The following PRKCB variants were observed in gnomAD, a reference collection of about 807,000 sequenced individuals.
PRKCB encodes the protein protein kinase C beta, also known as protein kinase C beta type.
Under a neutral mutation model 81.5 loss-of-function variants are expected in PRKCB, and 13 were observed. That is an observed-to-expected ratio of 0.16 (90% CI 0.10 to 0.25). The LOEUF is 0.25. Ranked by LOEUF, PRKCB falls within the 10% of genes least tolerant of loss-of-function variation. The probability of loss-of-function intolerance (pLI) is 1.00; values close to 1 mark genes in which losing one functional copy is unlikely to be tolerated. For synonymous variants in PRKCB, 335 were observed against 321.4 expected (o/e 1.04, Z -0.45); for missense variants, 509 against 875.7 (o/e 0.58, Z 5.29).
At chr16:23,890,940 C>A (rs1009815307) in intron 2 of PRKCB, among the ~76,000 whole-genome samples, 13 of 151,610 alleles carry the variant, frequency 8.6e-5, no homozygotes, top group African/African-American at 3.2e-4. Context: ...GGACATTTAT[C>A]TTTATATATG....
chr16:24,011,594 G>A (rs984241014), intron 3 of PRKCB, among the ~76,000 whole-genome samples: 5 of 152,124 alleles, frequency 3.3e-5, no homozygotes, highest in African/African-American at 1.2e-4. Context: ...ATAGCTCACT[G>A]CAGCCTCCAA....
chr16:24,215,332 A>AT lies in PRKCB; in HGVS notation c.*521dup. The AT allele has an allele frequency of 1.0e-6, 1 of 986,230 alleles. No individual in the cohort carries two copies. Among genetic ancestry groups the AT allele is most frequent in the Non-Finnish European group, 1.2e-6 (1 of 830,194 alleles). The allele number at this position is 986,230 out of a possible 1,614,324, so 61.1% of individuals were successfully genotyped here. ...TGCTCAAAATAAAATGTTATCTGTT[A>AT]TTTTTGTAAACTCAAAGTTAAGATG... On this transcript the variant is annotated 3_prime_UTR_variant, in exon 17 of 17. Coordinates refer to ENST00000643927, the MANE Select transcript of PRKCB (RefSeq NM_002738.7).
chr16:24,208,516 G>A (rs1339979821), intron 16 of PRKCB: 1 of 152,234 alleles, frequency 6.6e-6, no homozygotes, highest in Non-Finnish European at 1.5e-5. Flanking sequence ...TCCTGAAAGA[G>A]GTGCTTGTGG....
chr16:23,837,710 G>A (rs1962190367), intron 2 of PRKCB, among the ~76,000 whole-genome samples: 1 of 152,112 alleles, frequency 6.6e-6, no homozygotes, highest in Admixed American at 6.5e-5. Context: ...GGGGGAGAAA[G>A]TGTTTTCCCG....
intron 12 of PRKCB, among the ~76,000 whole-genome samples, chr16:24,179,781 A>G (rs1967590383): frequency 1.3e-5 from 2 of 152,196 alleles, no homozygotes; most frequent in South Asian, 4.1e-4. Context: ...CTTTATTTTC[A>G]TCATACCACT....
At chr16:24,132,657 A>G (rs1161205999) in intron 9 of PRKCB, among the ~76,000 whole-genome samples, 1 of 152,010 alleles carries the variant, frequency 6.6e-6, no homozygotes, top group Non-Finnish European at 1.5e-5. Context: ...TGTTGTCCCC[A>G]TTTTACAGAT....
intron 16 of PRKCB, among the ~76,000 whole-genome samples, chr16:24,213,785 A>G (rs1178075921): frequency 6.6e-6 from 1 of 152,232 alleles, no homozygotes; most frequent in Admixed American, 6.5e-5. Context: ...GTGAGCACCC[A>G]TGCATGCATG....
chr16:24,127,393 C>G (rs1966846364), intron 9 of PRKCB, among the ~76,000 whole-genome samples: 1 of 152,202 alleles, frequency 6.6e-6, no homozygotes, highest in Non-Finnish European at 1.5e-5. Flanking sequence ...TGCTCCTACC[C>G]AAGTTCACGT....
At chr16:23,858,123 C>T (rs1250070760) in intron 2 of PRKCB, among the ~76,000 whole-genome samples, 1 of 152,142 alleles carries the variant, frequency 6.6e-6, no homozygotes, top group Non-Finnish European at 1.5e-5. Flanking sequence ...ATGAAGGCAG[C>T]TAATATTTCA....
intron 5 of PRKCB, among the ~76,000 whole-genome samples, chr16:24,048,274 T>G (rs1965792719): frequency 6.6e-6 from 1 of 152,082 alleles, no homozygotes; most frequent in African/African-American, 2.4e-5. Flanking sequence ...GCATCTCCAT[T>G]TTACAGATGG....
intron 3 of PRKCB, 137 bp from the exon 4 acceptor site, chr16:24,031,999 G>A (rs1018126643): frequency 3.4e-6 from 2 of 586,014 alleles, no homozygotes; most frequent in Non-Finnish European, 3.0e-6. Context: ...GGGCTCCAGC[G>A]ATGGTCCCAA....
intron 5 of PRKCB, among the ~76,000 whole-genome samples, chr16:24,081,642 G>T (rs1419294545): frequency 6.6e-6 from 1 of 152,176 alleles, no homozygotes; most frequent in Non-Finnish European, 1.5e-5. Flanking sequence ...GGAGCCTGAG[G>T]TGGGTGGATC....
intron 12 of PRKCB, among the ~76,000 whole-genome samples, chr16:24,178,326 C>T (rs765612251): frequency 2.8e-4 from 43 of 152,246 alleles, no homozygotes; most frequent in African/African-American, 5.8e-4. Flanking sequence ...AGCAGAAATG[C>T]GGATTTATTA....
intron 2 of PRKCB, among the ~76,000 whole-genome samples, chr16:23,928,266 T>A (rs1454691058): frequency 6.6e-6 from 1 of 151,774 alleles, no homozygotes; most frequent in Non-Finnish European, 1.5e-5. Context: ...GCTGGGATTA[T>A]AGATGCCCAC....
intron 12 of PRKCB, among the ~76,000 whole-genome samples, chr16:24,180,191 C>T (rs1967596962): frequency 1.3e-5 from 2 of 152,148 alleles, no homozygotes; most frequent in Admixed American, 6.5e-5. Context: ...GATCCACCTG[C>T]CTTGGCCTCC....
At chr16:23,927,450 G>A (rs543268029) in intron 2 of PRKCB, among the ~76,000 whole-genome samples, 1 of 152,162 alleles carries the variant, frequency 6.6e-6, no homozygotes, top group East Asian at 1.9e-4. Context: ...ATGAAAGAGT[G>A]TGTACATTTT....
chr16:23,937,332 T>G (rs1361155663), intron 2 of PRKCB, among the ~76,000 whole-genome samples: 1 of 152,192 alleles, frequency 6.6e-6, no homozygotes, highest in East Asian at 1.9e-4. Context: ...GGACATCTTT[T>G]CATATGATTA....
chr16:24,217,164 A>G lies in PRKCB; in HGVS notation c.*2348A>G. ...AGGAAGGAAGGAAAGAAGGAAGGAA[A>G]AGAAGGAAGGAAGGAAGGAATATAG... On this transcript the variant is annotated 3_prime_UTR_variant, in exon 17 of 17. Transcript: ENST00000643927. 2.0e-6 allele frequency: 2 copies of G among 982,726 alleles called. No homozygotes were observed. The highest frequency in any genetic ancestry group is 2.4e-6 in the Non-Finnish European group (2 of 828,400). The allele number at this position is 982,726 out of a possible 1,614,324, so 60.9% of individuals were successfully genotyped here.
rs570030428 is a variant in PRKCB at position 24,007,023 on chromosome 16, G to A, written c.288+18433G>A. Among the ~76,000 whole-genome samples the A allele has an allele frequency of 8.5e-5, 13 of 152,330 alleles. 1 individual carries two copies. In the South Asian group the frequency reaches 2.7e-3, roughly 32 times the overall value. ...TTGGGTAATTCTGATGGATAGCTGGGTTTAGAAGCCAGTGTAAGGCAATAT... is the reference window on the plus strand; with the variant it reads ...TTGGGTAATTCTGATGGATAGCTGGATTTAGAAGCCAGTGTAAGGCAATAT... On this transcript the variant is annotated intron_variant, in intron 3 of 16. Coordinates refer to ENST00000643927, the MANE Select transcript of PRKCB (RefSeq NM_002738.7).
Sources: gnomAD v4.1 joint callset for allele counts (sites outside exome capture counted in the v4.1 genomes callset) on GRCh38, gnomAD v4.1.1 for gene constraint, MANE v1.5 for transcripts, NCBI Gene and HGNC (gene_info 2026-07-23, HGNC 2026-07-21) for gene names.